The following MTHFD1 variants were observed in gnomAD, a reference collection of about 807,000 sequenced individuals.
The protein encoded by MTHFD1 is C-1-tetrahydrofolate synthase, cytoplasmic.
Under a neutral mutation model 110.3 loss-of-function variants are expected in MTHFD1, and 44 were observed. That is an observed-to-expected ratio of 0.40 (90% CI 0.31 to 0.51). The LOEUF (loss-of-function observed/expected upper bound fraction) is 0.51. Among genes scored for constraint, MTHFD1 ranks in the 20% least tolerant of loss-of-function variants. MTHFD1 has a pLI of 0.60. For synonymous variants in MTHFD1, 402 were observed against 428.8 expected (o/e 0.94, Z 0.77); for missense variants, 909 against 1,173.1 (o/e 0.77, Z 3.29).
At chr14:64,444,771 GCAC>G (rs1390074044) in intron 22 of MTHFD1, 37 bp downstream of exon 22, 1 of 1,606,874 alleles carries the variant, frequency 6.2e-7, no homozygotes, top group African/African-American at 1.3e-5. Flanking sequence ...GTCCTAGAAA[GCAC>G]CACACCTTGA....
intron 1 of MTHFD1, among the ~76,000 whole-genome samples, chr14:64,399,516 G>A (rs540638470): frequency 1.3e-5 from 2 of 151,976 alleles, no homozygotes. Context: ...AAAATTAGCC[G>A]GGCGTGGTGG....
At chr14:64,453,605 T>C in intron 24 of MTHFD1, 149 bp from the exon 25 acceptor site, 2 of 668,500 alleles carry the variant, frequency 3.0e-6, no homozygotes, top group Non-Finnish European at 5.6e-6. Context: ...AACCCAATCA[T>C]CAACCTCAAA....
chr14:64,455,795 C>T (rs757827757), intron 26 of MTHFD1, among the ~76,000 whole-genome samples: 5 of 152,172 alleles, frequency 3.3e-5, no homozygotes, highest in Non-Finnish European at 5.9e-5. Context: ...TGGCCTTGGG[C>T]AAATTATGAA....
At chr14:64,441,756 T>G (rs2078251120) in intron 19 of MTHFD1, 1 of 547,558 alleles carries the variant, frequency 1.8e-6, no homozygotes, top group Non-Finnish European at 3.3e-6. Flanking sequence ...TGAGCCGAGA[T>G]CACGCCACTG....
At chr14:64,393,428 T>A (rs965221513) in intron 1 of MTHFD1, among the ~76,000 whole-genome samples, 14 of 150,182 alleles carry the variant, frequency 9.3e-5, no homozygotes, top group Admixed American at 2.0e-4. Context: ...AAAAAAAAAA[T>A]TTGCCTGTAA....
chr14:64,451,093 C>T (rs1246596004), intron 24 of MTHFD1, among the ~76,000 whole-genome samples: 3 of 152,086 alleles, frequency 2.0e-5, no homozygotes, highest in Admixed American at 6.5e-5. Context: ...CGCTTGAACC[C>T]GGGAGGCGGA....
intron 1 of MTHFD1, among the ~76,000 whole-genome samples, chr14:64,398,453 G>A (rs1456148480): frequency 6.6e-6 from 1 of 152,160 alleles, no homozygotes; most frequent in African/African-American, 2.4e-5. Context: ...AGGCTGAAGT[G>A]GGAGGATGGC....
chr14:64,440,504 A>C (rs1364515759), intron 18 of MTHFD1: 2 of 558,946 alleles, frequency 3.6e-6, no homozygotes, highest in Non-Finnish European at 3.3e-6. Context: ...TTTGAGTAAC[A>C]TCTTCATCCT....
intron 8 of MTHFD1, among the ~76,000 whole-genome samples, chr14:64,423,618 A>C (rs1248245300): frequency 6.8e-6 from 1 of 147,302 alleles, no homozygotes; most frequent in Non-Finnish European, 1.5e-5. Flanking sequence ...CTGGTCTCGG[A>C]CTCCTGACCT....
intron 25 of MTHFD1, 131 bp from the exon 26 acceptor site, chr14:64,454,592 A>C: frequency 1.3e-6 from 1 of 745,338 alleles, no homozygotes; most frequent in East Asian, 2.7e-5. Flanking sequence ...GGACAGCAAG[A>C]TAGAGATGTA....
chr14:64,431,664 C>A (rs371468998), intron 14 of MTHFD1, 25 bp downstream of exon 14: 13 of 1,607,610 alleles, frequency 8.1e-6, no homozygotes, highest in African/African-American at 1.3e-5. Flanking sequence ...CCCCATGAAC[C>A]CCATTGAACA....
chr14:64,417,152 G>A lies in MTHFD1; in HGVS notation c.479-736G>A, dbSNP rs924752736. On this transcript the variant is annotated intron_variant, in intron 6 of 27. Transcript: ENST00000652337. The surrounding 1 kb of genome is among the most constrained non-coding windows in gnomAD (Gnocchi z 4.4). ...CACTTTGTGGCCACAAACACCTACA[G>A]CCTGGTTCCATCCTCATGCCTAACA... Among the ~76,000 whole-genome samples, 1 of 152,080 alleles carries A rather than the reference G, an allele frequency of 6.6e-6. No homozygotes were observed. Among genetic ancestry groups the A allele is most frequent in the African/African-American group, 2.4e-5 (1 of 41,388 alleles).
chr14:64,388,496 TG>T, intron 1 of MTHFD1, 28 bp downstream of exon 1: 1 of 1,606,066 alleles, frequency 6.2e-7, no homozygotes, highest in Non-Finnish European at 8.5e-7. Context: ...TTGTTGAGTG[TG>T]GGGCTGTGGA....
chr14:64,453,780 C>A lies in MTHFD1; in HGVS notation c.2484C>A (p.Ile828=). 6.2e-7 allele frequency: 1 copy of A among 1,611,370 alleles called. No homozygotes were observed. The highest frequency in any genetic ancestry group is 1.1e-5 in the South Asian group (1 of 90,992). Residue 828 remains isoleucine, a synonymous_variant, in exon 25 of 28, where the codon ATC becomes ATA. Coordinates refer to ENST00000652337, the MANE Select transcript of MTHFD1 (RefSeq NM_005956.4). The part of the protein sequence containing the change: ...LKLPVEDKIR[I]IAQKIYGADD... ...TCCCAGTTGAGGATAAAATCAGGAT[C>A]ATTGCACAGAAGATCTATGGAGCAG...
At chr14:64,410,666 G>C (rs78530590) in intron 2 of MTHFD1, among the ~76,000 whole-genome samples, 4 of 152,128 alleles carry the variant, frequency 2.6e-5, no homozygotes, top group Non-Finnish European at 4.4e-5. Context: ...CCCTGCGGGT[G>C]GGGGAGAGGG....
Position 64,442,172 on chromosome 14 carries a change from G to GT in MTHFD1, c.1996+13dup. 1 of 1,613,998 alleles carries GT rather than the reference G, an allele frequency of 6.2e-7. No individual in the cohort carries two copies. The highest frequency in any genetic ancestry group is 8.5e-7 in the Non-Finnish European group (1 of 1,179,876). The stretch of plus-strand genomic sequence containing the variant: ...GGCCCAGAAGGGTTTGTAGGTTAGT[G>GT]TTTTTTGCAAAACCAGTGAATAGAC... On this transcript the variant is annotated splice_region_variant and intron_variant, in intron 20 of 27. Coordinates refer to ENST00000652337, the MANE Select transcript of MTHFD1 (RefSeq NM_005956.4).
chr14:64,415,230 C>A, intron 4 of MTHFD1, 128 bp from the exon 5 acceptor site: 2 of 759,962 alleles, frequency 2.6e-6, no homozygotes, highest in Non-Finnish European at 4.6e-6. Context: ...GGGGAAGGTA[C>A]ATTCTGAAAG....
chr14:64,433,922 C>G (rs529352294), intron 15 of MTHFD1, among the ~76,000 whole-genome samples: 1 of 151,780 alleles, frequency 6.6e-6, no homozygotes, highest in Non-Finnish European at 1.5e-5. Context: ...CCCAGCTACT[C>G]GAGAGGCTGA....
intron 9 of MTHFD1, among the ~76,000 whole-genome samples, chr14:64,425,289 C>T (rs975430595): frequency 1.3e-5 from 2 of 150,694 alleles, no homozygotes; most frequent in South Asian, 2.1e-4. Flanking sequence ...CTTGGCTTAC[C>T]GCAACCTCCA....
Sources: allele counts gnomAD v4.1 joint callset (sites outside exome capture counted in the v4.1 genomes callset), GRCh38; gene constraint gnomAD v4.1.1; non-coding constraint Gnocchi (gnomAD v3.1); transcripts MANE v1.5; gene names NCBI Gene and HGNC (gene_info 2026-07-23, HGNC 2026-07-21).